Variants in MGST1 observed in about 807,000 individuals in gnomAD.
The protein encoded by MGST1 is microsomal glutathione S-transferase 1, also known as glutathione S-transferase 12.
Under a neutral mutation model 8.9 loss-of-function variants are expected in MGST1, and 5 were observed. That is an observed-to-expected ratio of 0.56 (90% CI 0.29 to 1.19). The LOEUF is 1.19. Ranked by LOEUF, MGST1 falls within the 50% of genes most tolerant of loss-of-function variation. The pLI is 0.08. For missense variants in MGST1, 182 were observed against 187.4 expected, an observed-to-expected ratio of 0.97 and a Z score of 0.17; for synonymous variants, 54 against 67.8, an observed-to-expected ratio of 0.80 and a Z score of 1.00.
intron 1 of MGST1, among the ~76,000 whole-genome samples, chr12:16,387,188 G>T (rs1591714239): frequency 6.6e-6 from 1 of 151,964 alleles, no homozygotes; most frequent in East Asian, 1.9e-4. Context: ...TGACATACAT[G>T]TATAAATGGG....
At chr12:16,459,101 AT>A (rs1256428160) in intron 4 of MGST1, among the ~76,000 whole-genome samples, 1 of 152,136 alleles carries the variant, frequency 6.6e-6, no homozygotes, top group African/African-American at 2.4e-5. Flanking sequence ...AGATTTGTCC[AT>A]TTTGAAGGCA....
intron 4 of MGST1, among the ~76,000 whole-genome samples, chr12:16,581,407 C>T (rs1357920261): frequency 1.3e-5 from 2 of 152,196 alleles, no homozygotes; most frequent in Non-Finnish European, 2.9e-5. Context: ...GAGGAGATTA[C>T]ATCTGTACAG....
chr12:16,473,338 G>A (rs1394663564), intron 4 of MGST1, among the ~76,000 whole-genome samples: 1 of 152,148 alleles, frequency 6.6e-6, no homozygotes, highest in Non-Finnish European at 1.5e-5. Context: ...ATGAAGAATT[G>A]TCTTGCCCAC....
chr12:16,477,106 T>C (rs1941328818), intron 4 of MGST1, among the ~76,000 whole-genome samples: 2 of 152,246 alleles, frequency 1.3e-5, no homozygotes. Flanking sequence ...GGAAGAAAGA[T>C]ACTATTCAAA....
chr12:16,590,437 A>G (rs1013184984), downstream of MGST1, among the ~76,000 whole-genome samples: 2 of 152,102 alleles, frequency 1.3e-5, no homozygotes, highest in African/African-American at 4.8e-5. Context: ...ATATTATTTT[A>G]CATGTTTTGT....
chr12:16,553,582 C>CTTA (rs1942073938), intron 4 of MGST1, among the ~76,000 whole-genome samples: 1 of 151,996 alleles, frequency 6.6e-6, no homozygotes, highest in South Asian at 2.1e-4. Context: ...TCAATTTATA[C>CTTA]TTAAAGGTCA....
At chr12:16,481,338 T>C (rs1941363021) in intron 4 of MGST1, among the ~76,000 whole-genome samples, 1 of 152,034 alleles carries the variant, frequency 6.6e-6, no homozygotes, top group Admixed American at 6.6e-5. Flanking sequence ...TTCTCTCAAA[T>C]CAGATTTAGA....
intron 4 of MGST1, among the ~76,000 whole-genome samples, chr12:16,529,401 GA>G (rs1464218948): frequency 6.6e-6 from 1 of 152,052 alleles, no homozygotes; most frequent in Non-Finnish European, 1.5e-5. Flanking sequence ...AAGATTTAGT[GA>G]AAATGTTACA....
rs1022488751 is a variant in MGST1, at chr12:16,587,723, T to C, written n.483-1805T>C. ...ACTACAGGAGACAAACAATGATATG[T>C]ATTACATGCAGTAAACACTGCCTTT... On this transcript the variant is annotated intron_variant and non_coding_transcript_variant, in intron 4 of 4. Coordinates refer to the MGST1 transcript ENST00000538857. This position sits in a 1 kb window ranked among gnomAD's most constrained non-coding sequence, Gnocchi z 4.3. Among the ~76,000 whole-genome samples the C allele has an allele frequency of 6.6e-6, 1 of 151,708 alleles. No homozygotes were observed. Among genetic ancestry groups the C allele is most frequent in the African/African-American group, 2.4e-5 (1 of 41,380 alleles).
intron 4 of MGST1, among the ~76,000 whole-genome samples, chr12:16,495,521 A>G (rs1041207497): frequency 5.3e-5 from 8 of 152,136 alleles, no homozygotes; most frequent in Non-Finnish European, 7.4e-5. Context: ...ATAAAATGCA[A>G]GGTGATTTGG....
At position 16,363,802 on chromosome 12, in the gene MGST1, C is replaced by T; in HGVS notation, c.229C>T (p.Leu77=). The T allele has an allele frequency of 6.2e-7, 1 of 1,601,044 alleles. No individual in the cohort carries two copies. Among genetic ancestry groups the T allele is most frequent in the Non-Finnish European group, 8.5e-7 (1 of 1,169,742 alleles). Residue 77 remains leucine (L), a synonymous_variant, in exon 4 of 4, where the codon CTG becomes TTG. Transcript: ENST00000396210. The surrounding 1 kb of genome is among the most constrained non-coding windows in gnomAD (Gnocchi z 4.6). ...AGTTATCTTTTTCCACAGAGCCCAC[C>T]TGAATGACCTTGAAAATATTATTCC... ...DRVERVRRAH[L]NDLENIIPFL...
intron 4 of MGST1, among the ~76,000 whole-genome samples, chr12:16,484,065 T>G (rs1941382789): frequency 6.6e-6 from 1 of 152,190 alleles, no homozygotes; most frequent in African/African-American, 2.4e-5. Flanking sequence ...TGCCCACATA[T>G]CTGCAATTAA....
intron 4 of MGST1, among the ~76,000 whole-genome samples, chr12:16,512,620 A>G (rs1237051375): frequency 6.6e-6 from 1 of 152,262 alleles, no homozygotes; most frequent in Non-Finnish European, 1.5e-5. Flanking sequence ...ACCTGAAAAT[A>G]TGAAATCTTT....
intron 4 of MGST1, among the ~76,000 whole-genome samples, chr12:16,451,877 T>C (rs1389916591): frequency 6.6e-6 from 1 of 151,906 alleles, no homozygotes; most frequent in Admixed American, 6.6e-5. Context: ...CTAGTATTTA[T>C]GTTTTAGGCA....
At chr12:16,469,127 C>T (rs1049511546) in intron 4 of MGST1, among the ~76,000 whole-genome samples, 3 of 151,122 alleles carry the variant, frequency 2.0e-5, no homozygotes, top group Non-Finnish European at 4.4e-5. Flanking sequence ...ATCTTTGTTA[C>T]TGCTGCTGGG....
chr12:16,370,638 A>C (rs938945935), intron 3 of MGST1, among the ~76,000 whole-genome samples: 5 of 152,184 alleles, frequency 3.3e-5, no homozygotes, highest in African/African-American at 1.2e-4. Flanking sequence ...ATGACAATAC[A>C]GTTAGAGTCT....
At chr12:16,551,443 C>T (rs1941986508) in intron 4 of MGST1, 1 of 647,424 alleles carries the variant, frequency 1.5e-6, no homozygotes, top group Non-Finnish European at 2.7e-6. Context: ...ATCTGAAAAC[C>T]TGGCTTAGAC....
intron 4 of MGST1, among the ~76,000 whole-genome samples, chr12:16,496,230 G>C (rs915329551): frequency 1.3e-5 from 2 of 152,048 alleles, no homozygotes; most frequent in African/African-American, 4.8e-5. Flanking sequence ...TCTGGTGGCA[G>C]AGAATTGGAG....
rs1053897492 is a variant in MGST1, at chr12:16,517,666, G to T, written n.483-71862G>T. ...ATCATGGAACAATGGCCATGACAGA[G>T]TGTTGCAAGCCAACTTGGCTTGTGC... On this transcript the variant is annotated intron_variant and non_coding_transcript_variant, in intron 4 of 4. Transcript: ENST00000538857. This position sits in a 1 kb window ranked among gnomAD's most constrained non-coding sequence, Gnocchi z 4.2. 6.6e-6 allele frequency among the ~76,000 whole-genome samples: 1 copy of T among 152,150 alleles called. No homozygotes were observed. The highest frequency in any genetic ancestry group is 2.4e-5 in the African/African-American group (1 of 41,424).
Sources: gnomAD v4.1 joint callset for allele counts (sites outside exome capture counted in the v4.1 genomes callset) on GRCh38, gnomAD v4.1.1 for gene constraint, Gnocchi (gnomAD v3.1) non-coding constraint, MANE v1.5 for transcripts, NCBI Gene and HGNC (gene_info 2026-07-23, HGNC 2026-07-21) for gene names.